Variants in ST7L observed in about 807,000 individuals in gnomAD.
ST7L encodes the protein suppression of tumorigenicity 7 like.
A neutral mutation model predicts 72.5 loss-of-function variants in ST7L; 57 were observed. The ratio of observed to expected loss-of-function variants is 0.79; its 90% CI spans 0.64 to 0.98. The LOEUF (loss-of-function observed/expected upper bound fraction) is 0.98. Among genes scored for constraint, ST7L ranks in the 50% least tolerant of loss-of-function variants. The probability of loss-of-function intolerance (pLI) is 0.00; values close to 1 mark genes in which losing one functional copy is unlikely to be tolerated. For synonymous variants in ST7L, 221 were observed against 240.9 expected, an observed-to-expected ratio of 0.92 and a Z score of 0.77; for missense variants, 576 against 672.2, an observed-to-expected ratio of 0.86 and a Z score of 1.58.
intron 4 of ST7L, among the ~76,000 whole-genome samples, chr1:112,600,383 T>C (rs1667204487): frequency 6.6e-6 from 1 of 152,066 alleles, no homozygotes; most frequent in African/African-American, 2.4e-5. Flanking sequence ...TCTCTGCCTA[T>C]GGAGTAGCGA....
rs373622165 is a variant in ST7L at position 112,574,470 on chromosome 1, T to C, written c.1245+2516A>G. 8.9e-3 allele frequency among the ~76,000 whole-genome samples: 1,346 copies of C among 151,678 alleles called. 13 individuals carry two copies. Among genetic ancestry groups the C allele is most frequent in the Non-Finnish European group, 0.015 (990 of 67,878 alleles). ...GTCAGGAGATCGAGACCATCCTGGC[T>C]AACACTGTGAAACCTCGTCTCTACT... On this transcript the variant is annotated intron_variant, in intron 11 of 14. Coordinates refer to ENST00000358039, the MANE Select transcript of ST7L (RefSeq NM_017744.5).
chr1:112,581,943 A>G (rs1432270968), intron 9 of ST7L, 49 bp downstream of exon 9: 1 of 1,211,474 alleles, frequency 8.3e-7, no homozygotes, highest in Admixed American at 1.8e-5. Context: ...TTATAATTAC[A>G]TAATTGGAAA....
intron 14 of ST7L, chr1:112,530,232 A>G (rs1009288102): frequency 6.6e-6 from 1 of 152,380 alleles, no homozygotes; most frequent in East Asian, 1.9e-4. Flanking sequence ...CTGCAACACT[A>G]GTTTAATCAG....
rs1225582274 is a variant in ST7L, at chr1:112,524,166, ACAC to A, written c.*1844_*1846del. The A allele has an allele frequency of 6.6e-6, 1 of 152,584 alleles. No individual in the cohort carries two copies. Among genetic ancestry groups the A allele is most frequent in the Non-Finnish European group, 1.5e-5 (1 of 68,036 alleles). 9.5% of individuals were successfully genotyped at this position (152,584 alleles called of 1,614,324 possible). Reference sequence around the variant, plus strand: ...CTTTGTCTCACTTCCCTTATCAAGAACACCAACCAGTAAGTCTTTGCCAAATTC... The same window carrying A: ...CTTTGTCTCACTTCCCTTATCAAGAACAACCAGTAAGTCTTTGCCAAATTC... On this transcript the variant is annotated 3_prime_UTR_variant, in exon 15 of 15. Transcript: ENST00000358039.
chr1:112,614,737 A>G (rs1240669547), intron 2 of ST7L, among the ~76,000 whole-genome samples: 2 of 152,114 alleles, frequency 1.3e-5, no homozygotes, highest in African/African-American at 2.4e-5. Flanking sequence ...GTTTATGCCC[A>G]AGCGTCTGAG....
At chr1:112,551,174 A>G (rs1231828150) in intron 12 of ST7L, among the ~76,000 whole-genome samples, 1 of 99,808 alleles carries the variant, frequency 1.0e-5, no homozygotes, top group Non-Finnish European at 1.8e-5. Flanking sequence ...TTTGAGACAG[A>G]GTCTTGCTCT....
chr1:112,609,338 C>T (rs1668715023), intron 3 of ST7L, among the ~76,000 whole-genome samples: 1 of 151,776 alleles, frequency 6.6e-6, no homozygotes, highest in African/African-American at 2.4e-5. Flanking sequence ...TCAAGACCAG[C>T]CTGGCCAACA....
At position 112,598,000 on chromosome 1, in the gene ST7L, T is replaced by C. The variant is rs1666737326; in HGVS notation, c.593A>G (p.Asp198Gly). The stretch of plus-strand genomic sequence containing the variant: ...GTCTGAAGGACGTAAAAAATCTGTG[T>C]CACAGGTGAAAAAGGTCTGATGGTC... Reference protein sequence around the residue: ...AQDHQTFFTCDTDFLRPSDTV... With the variant: ...AQDHQTFFTCGTDFLRPSDTV... The change falls in exon 5 of 15, where the codon GAC becomes GGC. Residue 198 changes from aspartate to glycine, a missense_variant. Coordinates refer to ENST00000358039, the MANE Select transcript of ST7L (RefSeq NM_017744.5). 1.1e-5 allele frequency: 17 copies of C among 1,613,742 alleles called. No homozygotes were observed. The highest frequency in any genetic ancestry group is 1.4e-5 in the Non-Finnish European group (16 of 1,179,850).
At chr1:112,552,940 C>T (rs1043816231) in intron 12 of ST7L, among the ~76,000 whole-genome samples, 1 of 151,600 alleles carries the variant, frequency 6.6e-6, no homozygotes, top group Non-Finnish European at 1.5e-5. Flanking sequence ...CTCATCACTA[C>T]ATAAAAAGTA....
chr1:112,555,393 A>G (rs10776756), intron 12 of ST7L, among the ~76,000 whole-genome samples: 74,554 of 151,066 alleles, frequency 0.49, 18,673 homozygotes, highest in East Asian at 0.64. Flanking sequence ...AGGAAACCCC[A>G]TCTCTACTAA....
At chr1:112,547,512 T>C (rs185678595) in intron 13 of ST7L, among the ~76,000 whole-genome samples, 134 of 150,268 alleles carry the variant, frequency 8.9e-4, no homozygotes, top group African/African-American at 3.2e-3. Flanking sequence ...TTTCTTATAA[T>C]GTATTCCATA....
At chr1:112,539,655 CAAAAAAAA>C (rs11372554) in intron 14 of ST7L, 48 of 764,520 alleles carry the variant, frequency 6.3e-5, no homozygotes, top group South Asian at 2.6e-4. Flanking sequence ...GACTCTGTTT[CAAAAAAAA>C]AAAAAAAAAA....
chr1:112,556,197 G>A (rs1017343778), intron 11 of ST7L, among the ~76,000 whole-genome samples, 179 bp from the exon 12 acceptor site: 5 of 152,052 alleles, frequency 3.3e-5, no homozygotes, highest in Admixed American at 2.0e-4. Context: ...GCTTATATAC[G>A]CAAATTATGA....
intron 14 of ST7L, chr1:112,529,776 AAC>A (rs1654074086): frequency 6.6e-6 from 1 of 150,528 alleles, no homozygotes; most frequent in Non-Finnish European, 1.5e-5. Context: ...AAAAAAAGGT[AAC>A]TATGCTCATT....
In ST7L at chr1:112,597,406, GCA is replaced by G. The variant is rs1265155070; in HGVS notation, c.622+563_622+564del. 7.2e-5 allele frequency among the ~76,000 whole-genome samples: 11 copies of G among 152,268 alleles called. 1 individual carries two copies. The East Asian group carries it at 2.1e-3, about 29-fold the overall frequency. ...TTTGAGGTTACTTGGAGCTATGATT[GCA>G]CCACTGCACTCCAGCCTGGACAACA... On this transcript the variant is annotated intron_variant, in intron 5 of 14. Coordinates refer to ENST00000358039, the MANE Select transcript of ST7L (RefSeq NM_017744.5).
At chr1:112,582,497 T>C (rs1019106536) in intron 7 of ST7L, 25 bp from the exon 8 acceptor site, 3 of 1,393,166 alleles carry the variant, frequency 2.2e-6, no homozygotes, top group Non-Finnish European at 3.0e-6. Flanking sequence ...AAAAAAATGA[T>C]ACAACTATCA....
intron 13 of ST7L, among the ~76,000 whole-genome samples, chr1:112,545,518 GACA>G (rs1047887056): frequency 1.3e-5 from 2 of 152,222 alleles, no homozygotes; most frequent in Admixed American, 6.5e-5. Flanking sequence ...AAAATGGAAA[GACA>G]ACAAGAACTA....
chr1:112,594,803 T>C (rs1666199058), intron 5 of ST7L, among the ~76,000 whole-genome samples: 1 of 152,196 alleles, frequency 6.6e-6, no homozygotes, highest in African/African-American at 2.4e-5. Context: ...AATTAGATTA[T>C]ATACAGAACC....
chr1:112,583,928 T>C, intron 7 of ST7L, 44 bp downstream of exon 7: 1 of 1,570,940 alleles, frequency 6.4e-7, no homozygotes, highest in Non-Finnish European at 8.6e-7. Flanking sequence ...ACAAGCAAAT[T>C]ACAGATGCTA....
Sources: allele counts gnomAD v4.1 joint callset (sites outside exome capture counted in the v4.1 genomes callset), GRCh38; gene constraint gnomAD v4.1.1; transcripts MANE v1.5; gene names NCBI Gene and HGNC (gene_info 2026-07-23, HGNC 2026-07-21).